The following DSCAM variants were observed in gnomAD, a reference collection of about 807,000 sequenced individuals.
The protein encoded by DSCAM is cell adhesion molecule DSCAM.
A neutral mutation model predicts 217.7 loss-of-function variants in DSCAM; 47 were observed. The observed-to-expected ratio is 0.22, with a 90% CI of 0.17 to 0.28. The LOEUF (loss-of-function observed/expected upper bound fraction) is 0.28, where lower values mean the gene tolerates loss of function less well. Ranked by LOEUF, DSCAM falls within the 10% of genes least tolerant of loss-of-function variation. DSCAM has a pLI of 1.00. For missense variants in DSCAM, 2,080 were observed against 2,618.3 expected (o/e 0.79, Z 4.49); for synonymous variants, 1,056 against 1,015.3 (o/e 1.04, Z -0.76).
intron 11 of DSCAM, among the ~76,000 whole-genome samples, chr21:40,205,338 C>G (rs995466684): frequency 6.6e-6 from 1 of 152,198 alleles, no homozygotes; most frequent in Non-Finnish European, 1.5e-5. Context: ...TGCAGTGGCT[C>G]ATGCCTGTAA....
intron 11 of DSCAM, among the ~76,000 whole-genome samples, chr21:40,195,124 C>A (rs2837485): frequency 6.6e-6 from 1 of 151,818 alleles, no homozygotes; most frequent in Non-Finnish European, 1.5e-5. Flanking sequence ...TGTCACTGTA[C>A]GTTTTGACAA....
intron 18 of DSCAM, among the ~76,000 whole-genome samples, chr21:40,135,525 G>A (rs550518555): frequency 3.3e-5 from 5 of 152,300 alleles, no homozygotes; most frequent in South Asian, 2.1e-4. Context: ...CTCCTCAGTC[G>A]CTCTGGGAAA....
Position 40,446,374 on chromosome 21 carries a change from T to G in DSCAM, c.509-77129A>C, listed in dbSNP as rs541493475. 2.0e-5 allele frequency among the ~76,000 whole-genome samples: 3 copies of G among 152,278 alleles called. No homozygotes were observed. The East Asian group carries it at 5.8e-4, about 29-fold the overall frequency. On this transcript the variant is annotated intron_variant, in intron 3 of 32. Coordinates refer to ENST00000400454, the MANE Select transcript of DSCAM (RefSeq NM_001389.5). The stretch of plus-strand genomic sequence containing the variant: ...CATGTAATCCAATGGAAAGGTCCAG[T>G]CCTATGGCCACTGGGCACAAGGAAT...
intron 3 of DSCAM, among the ~76,000 whole-genome samples, chr21:40,660,158 CCACA>C (rs902751913): frequency 9.2e-4 from 140 of 152,218 alleles, no homozygotes; most frequent in African/African-American, 3.2e-3. Context: ...AGAAAAATGG[CCACA>C]CAGTTAATGA....
At chr21:40,236,101 G>A (rs966784980) in intron 11 of DSCAM, among the ~76,000 whole-genome samples, 4 of 152,046 alleles carry the variant, frequency 2.6e-5, no homozygotes, top group East Asian at 1.9e-4. Context: ...TGTTTCTGCC[G>A]ATGCAGCTGC....
At chr21:40,843,013 G>A (rs971759339) in intron 1 of DSCAM, among the ~76,000 whole-genome samples, 1 of 152,130 alleles carries the variant, frequency 6.6e-6, no homozygotes, top group African/African-American at 2.4e-5. Context: ...TAATAAAGAT[G>A]GGGGAGAAAG....
At position 40,369,146 on chromosome 21, in the gene DSCAM, T is replaced by A. The variant is rs747292924; in HGVS notation, c.608A>T (p.Tyr203Phe). ...YNYRCITRHR[Y>F]TGETRQSNSA... ...GTTGCTCTGCCTCGTCTCTCCGGTG[T>A]ATCGATGCCGCGTGATGCAGCGGTA... Residue 203 changes from tyrosine (Y) to phenylalanine (F), a missense_variant, in exon 4 of 33, where the codon TAC (tyrosine) becomes TTC (phenylalanine). Around this residue, in one of 5 missense-constraint regions of DSCAM, gnomAD observed 568 missense variants for 678.1 expected, o/e 0.84. Transcript: ENST00000400454. 1 of 1,613,136 alleles carries A rather than the reference T, an allele frequency of 6.2e-7. No individual in the cohort carries two copies. The highest frequency in any genetic ancestry group is 1.1e-5 in the South Asian group (1 of 90,816).
chr21:40,398,824 G>A lies in DSCAM; in HGVS notation c.509-29579C>T, dbSNP rs189642566. On this transcript the variant is annotated intron_variant, in intron 3 of 32. Transcript: ENST00000400454. The stretch of plus-strand genomic sequence containing the variant: ...TAATTTTTGTATTTTTAGTAGGGAC[G>A]GGATCTGCCCACCTCTGCCTCCCAA... 7.6e-4 allele frequency among the ~76,000 whole-genome samples: 116 copies of A among 152,002 alleles called. 1 individual carries two copies. In the Middle Eastern group the frequency reaches 0.01, roughly 13 times the overall value.
rs566245341 is a variant in DSCAM at position 40,017,676 on chromosome 21, T to C, written c.5687-4290A>G. ...AAGCGATTCTCCCCCCTCAGCCTCC[T>C]GAGTAGCTGGGATTACAGGCATGCA... On this transcript the variant is annotated intron_variant, in intron 32 of 32. Coordinates refer to ENST00000400454, the MANE Select transcript of DSCAM (RefSeq NM_001389.5). Among the ~76,000 whole-genome samples, 1,161 of 152,024 alleles carry C rather than the reference T, an allele frequency of 7.6e-3. 3 individuals are homozygous for C. The highest frequency in any genetic ancestry group is 0.013 in the Non-Finnish European group (874 of 67,962).
intron 3 of DSCAM, among the ~76,000 whole-genome samples, chr21:40,668,378 T>C (rs1324413042): frequency 6.6e-6 from 1 of 152,208 alleles, no homozygotes; most frequent in Non-Finnish European, 1.5e-5. Context: ...TGGTAGAACA[T>C]AAAACTCACT....
intron 3 of DSCAM, among the ~76,000 whole-genome samples, chr21:40,371,011 C>A (rs1300264095): frequency 6.6e-6 from 1 of 152,056 alleles, no homozygotes; most frequent in Non-Finnish European, 1.5e-5. Context: ...TGAAAAAGAT[C>A]ATAAAATAAC....
intron 5 of DSCAM, among the ~76,000 whole-genome samples, chr21:40,348,828 T>C (rs969170587): frequency 1.3e-5 from 2 of 152,130 alleles, no homozygotes; most frequent in African/African-American, 4.8e-5. Context: ...TGTGAGGATG[T>C]TGATATAAAT....
At chr21:40,263,954 G>A (rs2073487991) in intron 11 of DSCAM, among the ~76,000 whole-genome samples, 1 of 152,014 alleles carries the variant, frequency 6.6e-6, no homozygotes, top group Non-Finnish European at 1.5e-5. Context: ...AAATCTAGAG[G>A]AAATAAATAA....
chr21:40,119,359 A>G (rs541696948), intron 20 of DSCAM, among the ~76,000 whole-genome samples: 169 of 152,316 alleles, frequency 1.1e-3, no homozygotes, highest in Middle Eastern at 3.4e-3. Context: ...CTAAATCAGA[A>G]CACAGGAAAA....
chr21:40,668,743 G>A (rs1227755559), intron 3 of DSCAM, among the ~76,000 whole-genome samples: 5 of 152,130 alleles, frequency 3.3e-5, no homozygotes, highest in Non-Finnish European at 7.3e-5. Context: ...ATTACAGTGA[G>A]CTGCATGTCA....
intron 3 of DSCAM, among the ~76,000 whole-genome samples, chr21:40,415,792 C>G (rs940230800): frequency 2.6e-5 from 4 of 152,104 alleles, no homozygotes; most frequent in Non-Finnish European, 5.9e-5. Flanking sequence ...ACACTGCTTC[C>G]CCTCTCTAAA....
intron 3 of DSCAM, chr21:40,385,071 G>A (rs1183942333): frequency 1.3e-5 from 2 of 151,928 alleles, no homozygotes; most frequent in African/African-American, 4.8e-5. Context: ...TGTATTCCCA[G>A]TTTCGACTTT....
chr21:40,336,646 A>G (rs192070756), intron 8 of DSCAM, among the ~76,000 whole-genome samples: 184 of 152,366 alleles, frequency 1.2e-3, no homozygotes, highest in African/African-American at 4.0e-3. Flanking sequence ...ATGTGTTGAT[A>G]TGGCATCTGA....
intron 3 of DSCAM, among the ~76,000 whole-genome samples, chr21:40,567,547 A>G (rs2076774026): frequency 6.6e-6 from 1 of 152,180 alleles, no homozygotes; most frequent in Admixed American, 6.5e-5. Context: ...AAGAAGCCCC[A>G]CTTCAAGGAA....
Sources: allele counts gnomAD v4.1 joint callset (sites outside exome capture counted in the v4.1 genomes callset), GRCh38; gene constraint gnomAD v4.1.1; regional missense constraint gnomAD v4.1.1; transcripts MANE v1.5; gene names NCBI Gene and HGNC (gene_info 2026-07-23, HGNC 2026-07-21).